The following GNAQ variants were observed in gnomAD, a reference collection of about 807,000 sequenced individuals.
GNAQ encodes guanine nucleotide-binding protein G(q) subunit alpha.
In GNAQ, 8 loss-of-function variants were observed where a neutral mutation model predicts 43.9. That is an observed-to-expected ratio of 0.18 (90% CI 0.11 to 0.33). GNAQ has a LOEUF of 0.33. Ranked by LOEUF, GNAQ falls within the 10% of genes least tolerant of loss-of-function variation. The pLI is 1.00. For synonymous variants in GNAQ, 155 were observed against 170.7 expected (o/e 0.91, Z 0.71); for missense variants, 158 against 450.8 (o/e 0.35, Z 5.88).
chr9:77,868,959 C>G (rs1381615444), intron 2 of GNAQ, among the ~76,000 whole-genome samples: 1 of 152,102 alleles, frequency 6.6e-6, no homozygotes, highest in Non-Finnish European at 1.5e-5. Flanking sequence ...TGCACTTTAG[C>G]CTGGGCAACA....
At chr9:77,841,028 G>A (rs1238956860) in intron 2 of GNAQ, among the ~76,000 whole-genome samples, 1 of 152,124 alleles carries the variant, frequency 6.6e-6, no homozygotes, top group Non-Finnish European at 1.5e-5. Context: ...ACCAGTCACT[G>A]CTGAGCTCAT....
At chr9:77,938,784 C>A (rs1354777784) in intron 1 of GNAQ, among the ~76,000 whole-genome samples, 1 of 152,206 alleles carries the variant, frequency 6.6e-6, no homozygotes, top group Non-Finnish European at 1.5e-5. Flanking sequence ...AACGCATTTT[C>A]AGGGCATACA....
chr9:77,862,106 G>A (rs1191396857), intron 2 of GNAQ, among the ~76,000 whole-genome samples: 1 of 151,726 alleles, frequency 6.6e-6, no homozygotes, highest in Non-Finnish European at 1.5e-5. Flanking sequence ...CCCTCTCCTG[G>A]CTGCTTTCAC....
chr9:77,943,823 C>T (rs1309888508), intron 1 of GNAQ, among the ~76,000 whole-genome samples: 2 of 151,964 alleles, frequency 1.3e-5, no homozygotes, highest in South Asian at 2.1e-4. Flanking sequence ...CACAACACCA[C>T]GCCTGGCTAA....
intron 1 of GNAQ, among the ~76,000 whole-genome samples, chr9:77,926,298 A>T (rs1829072023): frequency 6.6e-6 from 1 of 152,160 alleles, no homozygotes; most frequent in South Asian, 2.1e-4. Flanking sequence ...AGTATGAAAA[A>T]TTTTGGTATA....
At chr9:77,933,079 A>G (rs894820656) in intron 1 of GNAQ, among the ~76,000 whole-genome samples, 1 of 152,168 alleles carries the variant, frequency 6.6e-6, no homozygotes, top group Non-Finnish European at 1.5e-5. Context: ...ATTCATCCCA[A>G]TGAAAAGCAC....
At chr9:77,833,796 T>C (rs982491801) in intron 2 of GNAQ, among the ~76,000 whole-genome samples, 4 of 152,192 alleles carry the variant, frequency 2.6e-5, no homozygotes, top group Admixed American at 1.3e-4. Flanking sequence ...AATCTTACAG[T>C]TGCCACCCTT....
chr9:77,860,137 C>G (rs1464718025), intron 2 of GNAQ, among the ~76,000 whole-genome samples: 1 of 152,204 alleles, frequency 6.6e-6, no homozygotes, highest in East Asian at 1.9e-4. Context: ...TGCCCTAGAA[C>G]AGACTCACTA....
At chr9:77,933,646 A>C (rs894029183) in intron 1 of GNAQ, among the ~76,000 whole-genome samples, 11 of 151,812 alleles carry the variant, frequency 7.2e-5, no homozygotes, top group African/African-American at 2.7e-4. Context: ...GTCTCAAAAA[A>C]AAAAAGTGGC....
intron 2 of GNAQ, among the ~76,000 whole-genome samples, chr9:77,864,032 A>C (rs1235468830): frequency 6.6e-6 from 1 of 152,088 alleles, no homozygotes; most frequent in Non-Finnish European, 1.5e-5. Context: ...AGTTCTGCAG[A>C]CTGTACAAGA....
chr9:77,925,012 G>A (rs1829049107), intron 1 of GNAQ, among the ~76,000 whole-genome samples: 1 of 152,116 alleles, frequency 6.6e-6, no homozygotes, highest in African/African-American at 2.4e-5. Flanking sequence ...GGCAGCACAG[G>A]TGTGCTATGT....
chr9:77,729,969 A>T (rs1480162018), intron 5 of GNAQ, among the ~76,000 whole-genome samples: 1 of 152,142 alleles, frequency 6.6e-6, no homozygotes, highest in African/African-American at 2.4e-5. Context: ...TTTGCTGGGA[A>T]CTCTGGAACA....
At chr9:77,862,960 C>G (rs902585031) in intron 2 of GNAQ, among the ~76,000 whole-genome samples, 1 of 152,174 alleles carries the variant, frequency 6.6e-6, no homozygotes, top group African/African-American at 2.4e-5. Context: ...ACGAGGATCA[C>G]CTGAGGTCAG....
chr9:77,945,667 A>C (rs1017491791), intron 1 of GNAQ, among the ~76,000 whole-genome samples: 1 of 152,222 alleles, frequency 6.6e-6, no homozygotes, highest in Non-Finnish European at 1.5e-5. Context: ...TTAAACTGTC[A>C]TTCACAATTC....
chr9:77,752,346 ACTACT>A (rs1283730011), intron 5 of GNAQ, among the ~76,000 whole-genome samples: 2 of 152,188 alleles, frequency 1.3e-5, no homozygotes, highest in Non-Finnish European at 2.9e-5. Flanking sequence ...TTAGGAAGTG[ACTACT>A]CTATCTGAGT....
At chr9:77,786,017 C>T (rs73453706) in intron 5 of GNAQ, among the ~76,000 whole-genome samples, 171 of 152,222 alleles carry the variant, frequency 1.1e-3, no homozygotes, top group African/African-American at 3.4e-3. Context: ...GAGAAAGACT[C>T]GTGCATATAA....
chr9:77,779,680 C>CAAAAAA (rs58014303), intron 5 of GNAQ, among the ~76,000 whole-genome samples: 90 of 95,900 alleles, frequency 9.4e-4, no homozygotes, highest in East Asian at 1.6e-3. Flanking sequence ...AAAAACAAAA[C>CAAAAAA]AAAAAAAAAA....
At chr9:77,999,123 T>G (rs1369874002) in intron 1 of GNAQ, among the ~76,000 whole-genome samples, 1 of 143,040 alleles carries the variant, frequency 7.0e-6, no homozygotes, top group African/African-American at 2.5e-5. Flanking sequence ...AAAAAAGACT[T>G]ACAGAAAAAG....
intron 2 of GNAQ, among the ~76,000 whole-genome samples, chr9:77,877,645 G>A (rs1478423399): frequency 1.3e-5 from 2 of 152,148 alleles, no homozygotes; most frequent in Non-Finnish European, 2.9e-5. Context: ...TCACGTACAA[G>A]TATATGATCC....
Sources: gnomAD v4.1 joint callset for allele counts (sites outside exome capture counted in the v4.1 genomes callset) on GRCh38, gnomAD v4.1.1 for gene constraint, MANE v1.5 for transcripts, NCBI Gene and HGNC (gene_info 2026-07-23, HGNC 2026-07-21) for gene names.